ABCC11: variants seen among roughly 807,000 people sequenced by gnomAD.
The protein encoded by ABCC11 is ATP binding cassette subfamily C member 11, also known as ATP-binding cassette sub-family C member 11.
ABCC11 carries 135 observed loss-of-function variants against 149.3 expected under a neutral mutation model. The ratio of observed to expected loss-of-function variants is 0.90; its 90% CI spans 0.79 to 1.04. ABCC11 has a LOEUF of 1.04. Ranked by LOEUF, ABCC11 falls within the 50% of genes least tolerant of loss-of-function variation. The pLI is 0.00. For missense variants in ABCC11, 1,680 were observed against 1,722.1 expected (o/e 0.98, Z 0.43); for synonymous variants, 665 against 671.4 (o/e 0.99, Z 0.15).
At chr16:48,193,701 C>G (rs1378790341) in intron 19 of ABCC11, among the ~76,000 whole-genome samples, 178 bp downstream of exon 19, 1 of 152,284 alleles carries the variant, frequency 6.6e-6, no homozygotes, top group South Asian at 2.1e-4. Context: ...AGTCAGGAGG[C>G]CTGTGCCAGG....
At chr16:48,233,653 T>C (rs1198495091) in intron 1 of ABCC11, among the ~76,000 whole-genome samples, 1 of 152,242 alleles carries the variant, frequency 6.6e-6, no homozygotes, top group African/African-American at 2.4e-5. Flanking sequence ...TATTGCTGTA[T>C]GATTTATTCA....
chr16:48,228,171 T>C (rs1266931003), intron 3 of ABCC11, among the ~76,000 whole-genome samples: 1 of 151,380 alleles, frequency 6.6e-6, no homozygotes, highest in Non-Finnish European at 1.5e-5. Flanking sequence ...AATTATGATC[T>C]ACCCATACTA....
chr16:48,242,374 A>T (rs1020124891), intron 1 of ABCC11, among the ~76,000 whole-genome samples: 1 of 152,142 alleles, frequency 6.6e-6, no homozygotes, highest in African/African-American at 2.4e-5. Flanking sequence ...TAGAATGGCA[A>T]TCATTAAAAA....
chr16:48,185,287 G>A lies in ABCC11; in HGVS notation c.3072-661C>T, dbSNP rs146684960. 6.0e-4 allele frequency among the ~76,000 whole-genome samples: 91 copies of A among 152,180 alleles called. No individual in the cohort carries two copies. The East Asian group carries it at 0.014, about 24-fold the overall frequency. On this transcript the variant is annotated intron_variant, in intron 22 of 29. Coordinates refer to ENST00000356608, the MANE Select transcript of ABCC11 (RefSeq NM_001370497.1). ...ACCAAGAAATTAAAAAGTTTATTCC[G>A]TGAACATCTGTATACCCTCTACCTA...
At position 48,171,480 on chromosome 16, in the gene ABCC11, C is replaced by A. The variant is rs888781633; in HGVS notation, c.3699-513G>T. 6.6e-5 allele frequency among the ~76,000 whole-genome samples: 10 copies of A among 152,226 alleles called. 1 individual carries two copies. Among genetic ancestry groups the A allele is most frequent in the African/African-American group, 2.4e-4 (10 of 41,468 alleles). ...GGGAAAACCGGGCCCTGGAACTCAGCCTTGGCCTCCCCATTATCATGCATG... is the reference window on the plus strand; with the variant it reads ...GGGAAAACCGGGCCCTGGAACTCAGACTTGGCCTCCCCATTATCATGCATG... On this transcript the variant is annotated intron_variant, in intron 26 of 29. Coordinates refer to ENST00000356608, the MANE Select transcript of ABCC11 (RefSeq NM_001370497.1).
chr16:48,196,361 CA>C, intron 17 of ABCC11, 40 bp from the exon 18 acceptor site: 1 of 1,581,024 alleles, frequency 6.3e-7, no homozygotes, highest in South Asian at 1.1e-5. Flanking sequence ...GTATGCCTGC[CA>C]ATCACATGAT....
chr16:48,178,734 C>A, intron 23 of ABCC11, 48 bp from the exon 24 acceptor site: 1 of 1,540,174 alleles, frequency 6.5e-7, no homozygotes, highest in East Asian at 2.2e-5. Context: ...CTGGGGTGTG[C>A]TCAGGCTCTT....
intron 13 of ABCC11, among the ~76,000 whole-genome samples, chr16:48,203,665 C>T (rs1454386526): frequency 6.6e-6 from 1 of 152,054 alleles, no homozygotes; most frequent in Non-Finnish European, 1.5e-5. Context: ...GTCAGGAGTT[C>T]GAGACCAGCT....
At chr16:48,212,750 G>A (rs956121949) in intron 10 of ABCC11, among the ~76,000 whole-genome samples, 1 of 152,234 alleles carries the variant, frequency 6.6e-6, no homozygotes, top group African/African-American at 2.4e-5. Context: ...GCATTAATGA[G>A]TGAATGAGTG....
At chr16:48,174,462 C>T (rs1043323044) in intron 26 of ABCC11, among the ~76,000 whole-genome samples, 2 of 152,200 alleles carry the variant, frequency 1.3e-5, no homozygotes, top group Non-Finnish European at 2.9e-5. Context: ...GTCCCCATGC[C>T]TTGATGTTTC....
At position 48,187,331 on chromosome 16, in the gene ABCC11, G is replaced by T. The variant is rs1354795284; in HGVS notation, c.2803C>A (p.Pro935Thr). The change falls in exon 21 of 30, where the codon CCC (proline) becomes ACC (threonine). Residue 935 changes from proline to threonine, a missense_variant. Transcript: ENST00000356608. ...GDLEQLDQLL[P>T]IFSEQFLVLS... ...ACCAGGAACTGCTCTGAAAAGATGG[G>T]CAAGAGCTGGTCCAGCTGTTCCAAG... 6.2e-7 allele frequency: 1 copy of T among 1,614,198 alleles called. No homozygotes were observed.
intron 12 of ABCC11, 86 bp downstream of exon 12, chr16:48,208,339 A>G: frequency 1.4e-6 from 2 of 1,466,030 alleles, no homozygotes; most frequent in Non-Finnish European, 1.9e-6. Flanking sequence ...GGAAGAAAGC[A>G]GTGGGGGGCC....
intron 1 of ABCC11, chr16:48,235,176 AC>A (rs1388814130): frequency 1.2e-4 from 18 of 152,194 alleles, no homozygotes; most frequent in Admixed American, 1.2e-3. Flanking sequence ...ATTCAAATAC[AC>A]CTGCAAAGAG....
At chr16:48,195,133 T>C (rs1967278838) in intron 18 of ABCC11, among the ~76,000 whole-genome samples, 1 of 152,210 alleles carries the variant, frequency 6.6e-6, no homozygotes, top group Admixed American at 6.5e-5. Context: ...TATCTCTTCT[T>C]TGATGAGATT....
Position 48,166,975 on chromosome 16 carries a change from C to A in ABCC11, c.*299G>T. The A allele has an allele frequency of 2.8e-6, 1 of 357,952 alleles. No individual in the cohort carries two copies. Among genetic ancestry groups the A allele is most frequent in the South Asian group, 3.8e-5 (1 of 26,484 alleles). 22.2% of individuals were successfully genotyped at this position (357,952 alleles called of 1,614,324 possible). A position where few individuals can be genotyped will look rare whatever the true frequency, so the allele number is the denominator to read the frequency against. ...CATTTGCAACACTTCTAACACAGAT[C>A]AGAAAACTATAAGCTTTTACCTTAT... On this transcript the variant is annotated 3_prime_UTR_variant, in exon 30 of 30. Coordinates refer to ENST00000356608, the MANE Select transcript of ABCC11 (RefSeq NM_001370497.1).
At chr16:48,170,713 G>A (rs1965661413) in intron 27 of ABCC11, among the ~76,000 whole-genome samples, 176 bp downstream of exon 27, 1 of 152,212 alleles carries the variant, frequency 6.6e-6, no homozygotes, top group Non-Finnish European at 1.5e-5. Flanking sequence ...CACGGTTGGT[G>A]TCTGAGTGCC....
At position 48,192,697 on chromosome 16, in the gene ABCC11, G is replaced by C. The variant is rs1367893496; in HGVS notation, c.2529C>G (p.Ser843Arg). 1.2e-6 allele frequency: 2 copies of C among 1,614,226 alleles called. No individual in the cohort carries two copies. Among genetic ancestry groups the C allele is most frequent in the South Asian group, 2.2e-5 (2 of 91,082 alleles). The change falls in exon 20 of 30, where the codon AGC becomes AGG. Residue 843 changes from serine to arginine, a missense_variant. Coordinates refer to ENST00000356608, the MANE Select transcript of ABCC11 (RefSeq NM_001370497.1). ...QGSGTNSSRESNGTMADLGNI... is the reference protein window; with the variant it reads ...QGSGTNSSRERNGTMADLGNI... The stretch of plus-strand genomic sequence containing the variant: ...TGCCCAGGTCTGCCATGGTTCCATT[G>C]CTCTCTCGGCTGCTATTGGTCTTCA...
intron 10 of ABCC11, among the ~76,000 whole-genome samples, chr16:48,212,781 T>C (rs1404119974): frequency 2.0e-5 from 3 of 152,232 alleles, no homozygotes; most frequent in African/African-American, 4.8e-5. Flanking sequence ...GTGGACTGCA[T>C]GTATGTAAAA....
Position 48,166,914 on chromosome 16 carries a change from T to C in ABCC11, c.*360A>G. On this transcript the variant is annotated 3_prime_UTR_variant, in exon 30 of 30. Transcript: ENST00000356608. ...AAGGAAGCAGAACAAAGAAAGTGAGTTTTCCTTAGTTTTATATTTTACAAA... is the reference window on the plus strand; with the variant it reads ...AAGGAAGCAGAACAAAGAAAGTGAGCTTTCCTTAGTTTTATATTTTACAAA... 5.6e-6 allele frequency: 1 copy of C among 177,038 alleles called. No individual in the cohort carries two copies. Among genetic ancestry groups the C allele is most frequent in the South Asian group, 1.5e-4 (1 of 6,772 alleles). 11.0% of individuals were successfully genotyped at this position (177,038 alleles called of 1,614,324 possible). A position where few individuals can be genotyped will look rare whatever the true frequency, so the allele number is the denominator to read the frequency against.
Sources: gnomAD v4.1 joint callset for allele counts (sites outside exome capture counted in the v4.1 genomes callset) on GRCh38, gnomAD v4.1.1 for gene constraint, MANE v1.5 for transcripts, NCBI Gene and HGNC (gene_info 2026-07-23, HGNC 2026-07-21) for gene names.